The following PATJ variants were observed in gnomAD, a reference collection of about 807,000 sequenced individuals.
PATJ encodes the protein PATJ crumbs cell polarity complex component, also known as inaD-like protein.
A neutral mutation model predicts 224.9 loss-of-function variants in PATJ; 190 were observed. The observed-to-expected ratio is 0.84, with a 90% CI of 0.75 to 0.95. The LOEUF is 0.95. Among genes scored for constraint, PATJ ranks in the 40% least tolerant of loss-of-function variants. The pLI, the probability that PATJ is intolerant of heterozygous loss-of-function variation, is 0.00. For missense variants in PATJ, 2,121 were observed against 2,270.3 expected (o/e 0.93, Z 1.34); for synonymous variants, 769 against 820.3 (o/e 0.94, Z 1.07).
chr1:61,802,552 T>G (rs1408911083), intron 12 of PATJ, among the ~76,000 whole-genome samples: 2 of 152,182 alleles, frequency 1.3e-5, no homozygotes. Context: ...GTGCTGAGAT[T>G]ATAGGCGTGA....
rs1468081657 is a variant in PATJ at position 61,901,387 on chromosome 1, C to A, written c.3309C>A (p.Phe1103Leu). The part of the protein sequence containing the change: ...LKNGEELKGI[F>L]IKQVLEDSPA... Reference sequence around the variant, plus strand: ...ATGGAGAGGAGCTTAAAGGTATATTCATCAAACAAGTTTTAGAAGACAGTC... The same window carrying A: ...ATGGAGAGGAGCTTAAAGGTATATTAATCAAACAAGTTTTAGAAGACAGTC... Residue 1103 changes from phenylalanine to leucine, a missense_variant, in exon 24 of 44, where the codon TTC (phenylalanine) becomes TTA (leucine). Coordinates refer to ENST00000642238, the MANE Select transcript of PATJ (RefSeq NM_001350145.3). 2 of 1,585,724 alleles carry A rather than the reference C, an allele frequency of 1.3e-6. No homozygotes were observed. The highest frequency in any genetic ancestry group is 1.7e-6 in the Non-Finnish European group (2 of 1,170,038).
intron 18 of PATJ, among the ~76,000 whole-genome samples, chr1:61,860,783 C>T (rs1218690862): frequency 6.6e-6 from 1 of 151,190 alleles, no homozygotes; most frequent in East Asian, 1.9e-4. Flanking sequence ...GCCAAGATTA[C>T]ACCACTGCAC....
At chr1:62,139,853 G>A (rs12071351) in intron 41 of PATJ, among the ~76,000 whole-genome samples, 27,394 of 150,910 alleles carry the variant, frequency 0.18, 3,888 homozygotes, top group East Asian at 0.64. Context: ...TCAACCTCCC[G>A]GGCTCGGGTG....
chr1:61,997,365 T>G (rs1427144153), intron 28 of PATJ, among the ~76,000 whole-genome samples: 1 of 152,118 alleles, frequency 6.6e-6, no homozygotes, highest in Non-Finnish European at 1.5e-5. Flanking sequence ...GCTGGCTGAG[T>G]GGTCAGCCTC....
intron 27 of PATJ, among the ~76,000 whole-genome samples, chr1:61,959,153 A>G (rs1680860444): frequency 6.6e-6 from 1 of 152,064 alleles, no homozygotes; most frequent in South Asian, 2.1e-4. Flanking sequence ...TATACAAATC[A>G]TGAAAGGTAG....
intron 14 of PATJ, among the ~76,000 whole-genome samples, chr1:61,814,547 T>TGTGTGTGTGTGCGCGC (rs370488022): frequency 1.1e-3 from 155 of 142,560 alleles, no homozygotes; most frequent in African/African-American, 3.9e-3. Context: ...TGTGTGTGTG[T>TGTGTGTGTGTGCGCGC]GCGCGCGCGC....
chr1:61,851,691 T>C (rs1010326304), intron 17 of PATJ, among the ~76,000 whole-genome samples: 1 of 152,098 alleles, frequency 6.6e-6, no homozygotes, highest in South Asian at 2.1e-4. Flanking sequence ...ATTATCTCTC[T>C]AGAAAATTGA....
chr1:62,002,951 GGGAAAGTCTTGACT>G (rs1311832360), intron 28 of PATJ, among the ~76,000 whole-genome samples: 1 of 152,176 alleles, frequency 6.6e-6, no homozygotes, highest in Non-Finnish European at 1.5e-5. Flanking sequence ...TCCTAGTTTA[GGGAAAGTCTTGACT>G]GGTAGCATAT....
rs369693931 is a variant in PATJ, at chr1:61,990,326, G to T, written c.3829G>T (p.Ala1277Ser). ...VGINPEGPAA[A>S]DGRMRIGDEL... ...AATTAACCCGGAAGGACCTGCTGCC[G>T]CAGATGGACGAATGCGTATTGGAGA... The change falls in exon 28 of 44, where the codon GCA becomes TCA. Residue 1277 changes from alanine (A) to serine (S), a missense_variant. Coordinates refer to ENST00000642238, the MANE Select transcript of PATJ (RefSeq NM_001350145.3). The T allele has an allele frequency of 2.5e-6, 4 of 1,613,084 alleles. No homozygotes were observed. The Admixed American group carries it at 5.0e-5, about 20-fold the overall frequency.
At chr1:61,958,994 A>G (rs962008054) in intron 27 of PATJ, among the ~76,000 whole-genome samples, 1 of 152,158 alleles carries the variant, frequency 6.6e-6, no homozygotes, top group Non-Finnish European at 1.5e-5. Flanking sequence ...CAGTCCATAA[A>G]GAGTCCAAAA....
intron 17 of PATJ, among the ~76,000 whole-genome samples, chr1:61,845,323 T>G (rs898416708): frequency 6.6e-6 from 1 of 152,230 alleles, no homozygotes; most frequent in Non-Finnish European, 1.5e-5. Context: ...CCTGAGTCTG[T>G]GGTTTTGTCA....
At chr1:61,833,896 A>G (rs1474217439) in intron 17 of PATJ, 111 bp downstream of exon 17, 19 of 888,990 alleles carry the variant, frequency 2.1e-5, no homozygotes, top group Non-Finnish European at 3.1e-5. Flanking sequence ...ACTGAATCCC[A>G]AAGATGGGAT....
chr1:61,996,502 A>G (rs1372734795), intron 28 of PATJ, among the ~76,000 whole-genome samples: 1 of 152,194 alleles, frequency 6.6e-6, no homozygotes, highest in African/African-American at 2.4e-5. Flanking sequence ...TATAATTTAT[A>G]GTCAGAAGCT....
chr1:61,783,128 G>T (rs974351522), intron 7 of PATJ, among the ~76,000 whole-genome samples: 1 of 152,098 alleles, frequency 6.6e-6, no homozygotes, highest in Non-Finnish European at 1.5e-5. Flanking sequence ...GTCACTAAAT[G>T]GTTGGTTAGT....
At chr1:62,043,621 G>A (rs947495319) in intron 30 of PATJ, among the ~76,000 whole-genome samples, 4 of 151,994 alleles carry the variant, frequency 2.6e-5, no homozygotes, top group African/African-American at 9.7e-5. Flanking sequence ...ATTTTTAATA[G>A]TTACATACAA....
intron 27 of PATJ, among the ~76,000 whole-genome samples, chr1:61,939,317 TCACACACA>T (rs60430174): frequency 6.3e-5 from 9 of 142,482 alleles, no homozygotes; most frequent in African/African-American, 8.0e-5. Context: ...AACTTTGCAT[TCACACACA>T]CACACACACA....
rs111409430 is a variant in PATJ, at chr1:61,880,083, C to G, written c.2960-4154C>G. Among the ~76,000 whole-genome samples, 1,291 of 152,252 alleles carry G rather than the reference C, an allele frequency of 8.5e-3. 23 individuals are homozygous for G. The highest frequency in any genetic ancestry group is 0.029 in the African/African-American group (1,222 of 41,538). On this transcript the variant is annotated intron_variant, in intron 21 of 43. Transcript: ENST00000642238. ...AAGTGATCCACCCGCCTCAGCCTCC[C>G]AAAGTGCTGGGATTGCAGGCGTGAG... is the stretch of plus-strand genomic sequence containing the variant.
At chr1:62,117,459 A>C (rs77720860) in intron 37 of PATJ, 1 of 1,327,964 alleles carries the variant, frequency 7.5e-7, no homozygotes, top group Non-Finnish European at 9.7e-7. Flanking sequence ...TTTTCTCTCT[A>C]TTAGTTCTAT....
chr1:61,843,285 G>A (rs913998459), intron 17 of PATJ, among the ~76,000 whole-genome samples: 2 of 152,170 alleles, frequency 1.3e-5, no homozygotes, highest in African/African-American at 4.8e-5. Context: ...GAGAGGACTA[G>A]CTTACGAGTC....
Sources: gnomAD v4.1 joint callset for allele counts (sites outside exome capture counted in the v4.1 genomes callset) on GRCh38, gnomAD v4.1.1 for gene constraint, MANE v1.5 for transcripts, NCBI Gene and HGNC (gene_info 2026-07-23, HGNC 2026-07-21) for gene names.